Variants in POLE observed in about 807,000 individuals in gnomAD.
POLE encodes the protein DNA polymerase epsilon, catalytic subunit.
Under a neutral mutation model 279.2 loss-of-function variants are expected in POLE, and 188 were observed. That is an observed-to-expected ratio of 0.67 (90% CI 0.60 to 0.76). POLE has a LOEUF of 0.76. Ranked by LOEUF, POLE falls within the 30% of genes least tolerant of loss-of-function variation. POLE has a pLI of 0.00. For missense variants in POLE, 2,703 were observed against 3,016.7 expected, an observed-to-expected ratio of 0.90 and a Z score of 2.44; for synonymous variants, 1,214 against 1,172.5, an observed-to-expected ratio of 1.04 and a Z score of -0.72.
intron 16 of POLE, among the ~76,000 whole-genome samples, chr12:132,671,816 T>C (rs1331019417): frequency 1.3e-5 from 2 of 152,034 alleles, no homozygotes; most frequent in Admixed American, 6.6e-5. Flanking sequence ...TGTAAACAGA[T>C]TTTACAGTCA....
Position 132,641,863 on chromosome 12 carries a change from G to A in POLE, c.5174-12C>T, listed in dbSNP as rs2138526627. On this transcript the variant is annotated splice_polypyrimidine_tract_variant and intron_variant, in intron 38 of 48. Transcript: ENST00000320574. ...CAGCTCCACACACACTGCACAGGAA[G>A]ACGCCATGCTCAGCCAGCATCCTGC... is the stretch of plus-strand genomic sequence containing the variant. The A allele has an allele frequency of 1.3e-6, 2 of 1,598,358 alleles. No individual in the cohort carries two copies. Among genetic ancestry groups the A allele is most frequent in the Non-Finnish European group, 1.7e-6 (2 of 1,179,380 alleles).
At chr12:132,671,956 C>T (rs1166541557) in intron 16 of POLE, among the ~76,000 whole-genome samples, 6 of 152,148 alleles carry the variant, frequency 3.9e-5, no homozygotes, top group Admixed American at 3.3e-4. Context: ...AAACAGGACA[C>T]GGGATACATC....
Position 132,657,903 on chromosome 12 carries a change from T to C in POLE, c.3343A>G (p.Lys1115Glu), listed in dbSNP as rs2042581768. ...TCAAAGTCTTGAAGGGAAGAGCTCT[T>C]GAGCCATTTCCGGAGAAAGTGCTTC... The part of the protein sequence containing the change: ...VRKHFLRKWL[K>E]SSSLQDFDIR... The change falls in exon 27 of 49, where the codon AAG becomes GAG. Residue 1115 changes from lysine to glutamate, a missense_variant. Lys to Glu is a moderately conservative substitution (Grantham distance 56). Coordinates refer to ENST00000320574, the MANE Select transcript of POLE (RefSeq NM_006231.4). The C allele has an allele frequency of 1.2e-6, 2 of 1,613,938 alleles. No homozygotes were observed. Among genetic ancestry groups the C allele is most frequent in the Non-Finnish European group, 1.7e-6 (2 of 1,179,892 alleles).
At chr12:132,677,175 T>C (rs2043073459) in intron 8 of POLE, among the ~76,000 whole-genome samples, 188 bp downstream of exon 8, 1 of 152,146 alleles carries the variant, frequency 6.6e-6, no homozygotes, top group Non-Finnish European at 1.5e-5. Context: ...TACAGTGATA[T>C]ACAACAAAAA....
At chr12:132,644,711 C>A (rs1441395751) in intron 32 of POLE, among the ~76,000 whole-genome samples, 27 of 148,984 alleles carry the variant, frequency 1.8e-4, no homozygotes, top group Non-Finnish European at 3.4e-4. Flanking sequence ...GAGAGGGGCA[C>A]CCTAGCTTCG....
chr12:132,629,696 C>G (rs2041899023), intron 45 of POLE, among the ~76,000 whole-genome samples: 1 of 152,218 alleles, frequency 6.6e-6, no homozygotes, highest in Non-Finnish European at 1.5e-5. Flanking sequence ...TATCCAGACT[C>G]AACTTTCTCC....
At chr12:132,630,012 G>A (rs1223138082) in intron 45 of POLE, among the ~76,000 whole-genome samples, 2 of 152,194 alleles carry the variant, frequency 1.3e-5, no homozygotes, top group Admixed American at 6.5e-5. Context: ...AGGAGAAAGG[G>A]CGAGATGGCA....
Position 132,668,457 on chromosome 12 carries a change from T to A in POLE, c.2072A>T (p.Glu691Val). ...SEYHRIQHQLESEKFPPLFPE... is the reference protein window; with the variant it reads ...SEYHRIQHQLVSEKFPPLFPE... Reference sequence around the variant, plus strand: ...GAACAAGGGGGGGAACTTCTCTGACTCCAGCTGGTGCTGGATCCGATGGTA... The same window carrying A: ...GAACAAGGGGGGGAACTTCTCTGACACCAGCTGGTGCTGGATCCGATGGTA... The change falls in exon 19 of 49, where the codon GAG (glutamate) becomes GTG (valine). Residue 691 changes from glutamate (E) to valine (V), a missense_variant. By Grantham distance (121) the Glu-to-Val change is moderately radical (BLOSUM62 -2). Around this residue, in one of 5 missense-constraint regions of POLE, gnomAD observed 1,011 missense variants for 1,111.7 expected, o/e 0.91. Transcript: ENST00000320574. The surrounding 1 kb of genome is among the most constrained non-coding windows in gnomAD (Gnocchi z 4.0). 1.2e-6 allele frequency: 2 copies of A among 1,611,706 alleles called. No homozygotes were observed. Among genetic ancestry groups the A allele is most frequent in the Non-Finnish European group, 1.7e-6 (2 of 1,178,744 alleles).
At chr12:132,672,601 A>G (rs928227687) in intron 15 of POLE, 26 bp downstream of exon 15, 8 of 1,608,856 alleles carry the variant, frequency 5.0e-6, no homozygotes, top group Middle Eastern at 3.3e-4. Flanking sequence ...AGTGGGAAGA[A>G]TCTGAATCCC....
chr12:132,669,075 A>C (rs1458973971), intron 16 of POLE, 136 bp from the exon 17 acceptor site: 1 of 745,398 alleles, frequency 1.3e-6, no homozygotes, highest in African/African-American at 1.8e-5. Context: ...CCAGAAGAAA[A>C]AAGTTAAGAA....
In POLE at chr12:132,642,721, G is replaced by A. The variant is rs774453650; in HGVS notation, c.4737C>T (p.Arg1579=). The part of the protein sequence containing the change: ...QRFLLAYKEE[R]RGPTLIAVQS... ...GAACAGCGATGAGTGTGGGCCCCCG[G>A]CGCTCCTCCTGGGTCAAGGCAAAAT... The change falls in exon 37 of 49, where the codon CGC becomes CGT. Residue 1579 remains arginine, a synonymous_variant. Transcript: ENST00000320574. The A allele has an allele frequency of 3.1e-6, 5 of 1,613,482 alleles. No homozygotes were observed. The South Asian group carries it at 5.5e-5, about 18-fold the overall frequency.
rs147247065 is a variant in POLE at position 132,667,978 on chromosome 12, G to A, written c.2174-330C>T. Among the ~76,000 whole-genome samples, 1,368 of 152,228 alleles carry A rather than the reference G, an allele frequency of 9.0e-3. 14 individuals carry two copies. Among genetic ancestry groups the A allele is most frequent in the African/African-American group, 0.032 (1,308 of 41,522 alleles). ...CACACCTGTAGTCCCAGCTACTTAG[G>A]AGGCTGAGATGGGAGGATTGCCGGT... On this transcript the variant is annotated intron_variant, in intron 19 of 48. Transcript: ENST00000320574.
Position 132,634,480 on chromosome 12 carries a change from C to G in POLE, c.5812-102G>C. On this transcript the variant is annotated intron_variant, in intron 42 of 48. Coordinates refer to ENST00000320574, the MANE Select transcript of POLE (RefSeq NM_006231.4). The surrounding 1 kb of genome is among the most constrained non-coding windows in gnomAD (Gnocchi z 4.0). ...TCCTCCAACCTGGGTCCATCTGCCC[C>G]GTTTGACCAGAGGCCTTCCTCGCAG... is the stretch of plus-strand genomic sequence containing the variant. The G allele has an allele frequency of 8.6e-7, 1 of 1,163,482 alleles. No individual in the cohort carries two copies. The highest frequency in any genetic ancestry group is 1.2e-6 in the Non-Finnish European group (1 of 807,944). 72.1% of individuals were successfully genotyped at this position (1,163,482 alleles called of 1,614,324 possible).
At chr12:132,682,062 G>A (rs1373322342) in intron 1 of POLE, among the ~76,000 whole-genome samples, 14 of 152,174 alleles carry the variant, frequency 9.2e-5, no homozygotes, top group Admixed American at 2.0e-4. Context: ...GTGGGAGGCC[G>A]AGGCGGGCGG....
chr12:132,684,037 T>A (rs369413140), intron 1 of POLE, among the ~76,000 whole-genome samples: 1 of 125,404 alleles, frequency 8.0e-6, no homozygotes, highest in African/African-American at 3.4e-5. Flanking sequence ...AGAGCTACCA[T>A]TGACTGGTTA....
intron 39 of POLE, chr12:132,640,892 C>T (rs916799180): frequency 4.6e-6 from 2 of 434,730 alleles, no homozygotes; most frequent in Non-Finnish European, 9.3e-6. Context: ...TGCCTCTTTC[C>T]ACCAGTCCTC....
At position 132,639,952 on chromosome 12, in the gene POLE, A is replaced by AAAAACAAAACAAAAC. The variant is rs10526281; in HGVS notation, c.5379-669_5379-655dup. 2.7e-5 allele frequency among the ~76,000 whole-genome samples: 4 copies of AAAAACAAAACAAAAC among 148,802 alleles called. No homozygotes were observed. Among genetic ancestry groups the AAAAACAAAACAAAAC allele is most frequent in the East Asian group, 2.0e-4 (1 of 4,960 alleles). On this transcript the variant is annotated intron_variant, in intron 39 of 48. Coordinates refer to ENST00000320574, the MANE Select transcript of POLE (RefSeq NM_006231.4). This position sits in a 1 kb window ranked among gnomAD's most constrained non-coding sequence, Gnocchi z 4.7. ...ACAGAGTGAGACTGTCTCAAAAAAC[A>AAAAACAAAACAAAAC]AAAACAAAACAAAACAAAACAAAAC...
intron 20 of POLE, among the ~76,000 whole-genome samples, chr12:132,666,369 C>A (rs2042796968): frequency 1.3e-5 from 2 of 152,246 alleles, no homozygotes. Context: ...GGATAGATGA[C>A]CTGAGTTCAG....
intron 15 of POLE, 124 bp from the exon 16 acceptor site, chr12:132,672,446 C>A: frequency 9.6e-7 from 1 of 1,040,328 alleles, no homozygotes; most frequent in Non-Finnish European, 1.5e-6. Context: ...GACTCATGTG[C>A]ACAATCTGCA....
Sources: allele counts gnomAD v4.1 joint callset (sites outside exome capture counted in the v4.1 genomes callset), GRCh38; gene constraint gnomAD v4.1.1; regional missense constraint gnomAD v4.1.1; non-coding constraint Gnocchi (gnomAD v3.1); transcripts MANE v1.5; gene names NCBI Gene and HGNC (gene_info 2026-07-23, HGNC 2026-07-21).